The following LINGO2 variants were observed in gnomAD, a reference collection of about 807,000 sequenced individuals.
LINGO2 encodes leucine rich repeat and Ig domain containing 2, also known as leucine-rich repeat and immunoglobulin-like domain-containing nogo receptor-interacting protein 2.
A neutral mutation model predicts 30.6 loss-of-function variants in LINGO2; 14 were observed. The ratio of observed to expected loss-of-function variants is 0.46; its 90% CI spans 0.30 to 0.72. The LOEUF (loss-of-function observed/expected upper bound fraction) is 0.72. Ranked by LOEUF, LINGO2 falls within the 30% of genes least tolerant of loss-of-function variation. The pLI is 0.07. For synonymous variants in LINGO2, 317 were observed against 288.5 expected (o/e 1.10, Z -1.00); for missense variants, 729 against 751.7 (o/e 0.97, Z 0.35).
the LINGO2 span, among the ~76,000 whole-genome samples, chr9:29,149,041 G>A: frequency 6.6e-6 from 1 of 152,090 alleles, no homozygotes; most frequent in African/African-American, 2.4e-5. Context: ...TTGTCACAGA[G>A]GAGGATCCTA....
chr9:28,231,278 A>T (rs917827220), intron 4 of LINGO2, among the ~76,000 whole-genome samples: 27 of 152,138 alleles, frequency 1.8e-4, no homozygotes, highest in Admixed American at 1.4e-3. Flanking sequence ...TATATGCCTA[A>T]ATCATTAGAA....
the LINGO2 span, among the ~76,000 whole-genome samples, chr9:28,775,722 A>G: frequency 3.9e-5 from 6 of 152,202 alleles, no homozygotes; most frequent in Non-Finnish European, 1.5e-5. Context: ...AAATGTGCAT[A>G]CTGATAATGA....
At chr9:28,721,148 A>T in the LINGO2 span, among the ~76,000 whole-genome samples, 2 of 152,178 alleles carry the variant, frequency 1.3e-5, no homozygotes, top group African/African-American at 2.4e-5. Flanking sequence ...TAGAATGGCG[A>T]TCATTAACTC....
intron 4 of LINGO2, among the ~76,000 whole-genome samples, chr9:28,252,447 A>G (rs1351128448): frequency 2.0e-5 from 3 of 152,016 alleles, no homozygotes; most frequent in South Asian, 4.1e-4. Context: ...GGATGGTCTC[A>G]ATCTCTTAAC....
chr9:28,632,712 A>C (rs1184497532), intron 1 of LINGO2, among the ~76,000 whole-genome samples: 13 of 137,984 alleles, frequency 9.4e-5, no homozygotes, highest in Non-Finnish European at 2.0e-4. Context: ...ATATATTTAT[A>C]TATAGATCTA....
At chr9:28,858,725 C>T in the LINGO2 span, among the ~76,000 whole-genome samples, 1 of 151,948 alleles carries the variant, frequency 6.6e-6, no homozygotes, top group East Asian at 1.9e-4. Flanking sequence ...AAAACTTTTC[C>T]AAAATGAGCA....
the LINGO2 span, among the ~76,000 whole-genome samples, chr9:28,899,462 C>T: frequency 6.6e-6 from 1 of 152,172 alleles, no homozygotes; most frequent in African/African-American, 2.4e-5. Flanking sequence ...TGGCCCCAGG[C>T]TCCAGACTGA....
chr9:27,996,809 A>G (rs970955437), intron 5 of LINGO2, among the ~76,000 whole-genome samples: 1 of 152,216 alleles, frequency 6.6e-6, no homozygotes, highest in Non-Finnish European at 1.5e-5. Flanking sequence ...GGATATCCCA[A>G]TTACCCTGAT....
chr9:28,635,930 C>T (rs918004609), intron 1 of LINGO2, among the ~76,000 whole-genome samples: 2 of 152,052 alleles, frequency 1.3e-5, no homozygotes, highest in East Asian at 1.9e-4. Context: ...CCCAGTAACT[C>T]GTCATTTAAC....
At chr9:28,557,417 C>T (rs1393370684) in intron 1 of LINGO2, among the ~76,000 whole-genome samples, 2 of 152,086 alleles carry the variant, frequency 1.3e-5, no homozygotes, top group Non-Finnish European at 2.9e-5. Context: ...CACTGGCCAT[C>T]AGAGAAATGC....
intron 1 of LINGO2, among the ~76,000 whole-genome samples, chr9:28,618,832 A>G (rs906735967): frequency 2.0e-5 from 3 of 152,092 alleles, no homozygotes; most frequent in Admixed American, 6.6e-5. Flanking sequence ...TATCTGGCAC[A>G]TAAAATGTGT....
chr9:29,176,729 T>G, the LINGO2 span, among the ~76,000 whole-genome samples: 4 of 152,222 alleles, frequency 2.6e-5, no homozygotes, highest in Non-Finnish European at 5.9e-5. Context: ...TACAGAAGTA[T>G]GAGACAACTA....
chr9:28,880,686 G>A, the LINGO2 span, among the ~76,000 whole-genome samples: 80 of 152,268 alleles, frequency 5.3e-4, no homozygotes, highest in East Asian at 0.013. Context: ...AAAGCCTCTT[G>A]CAGTTGAGAT....
chr9:28,025,074 G>A (rs1230355291), intron 4 of LINGO2, among the ~76,000 whole-genome samples: 1 of 152,084 alleles, frequency 6.6e-6, no homozygotes, highest in East Asian at 1.9e-4. Context: ...TCATGCTTTG[G>A]GCTGATGAGA....
At chr9:28,402,044 T>C (rs1822290736) in intron 2 of LINGO2, among the ~76,000 whole-genome samples, 1 of 152,168 alleles carries the variant, frequency 6.6e-6, no homozygotes. Context: ...ATAAGATTTA[T>C]AAGGAAAGAC....
At chr9:28,380,620 A>G (rs1254496090) in intron 2 of LINGO2, among the ~76,000 whole-genome samples, 1 of 152,002 alleles carries the variant, frequency 6.6e-6, no homozygotes, top group Non-Finnish European at 1.5e-5. Flanking sequence ...GAGAAACACC[A>G]TATCGTGGAG....
At chr9:28,631,885 CA>C (rs1213005596) in intron 1 of LINGO2, among the ~76,000 whole-genome samples, 1 of 152,096 alleles carries the variant, frequency 6.6e-6, no homozygotes, top group African/African-American at 2.4e-5. Flanking sequence ...TTAATCCATC[CA>C]ACAAATATGT....
the LINGO2 span, among the ~76,000 whole-genome samples, chr9:29,039,579 C>A: frequency 6.6e-6 from 1 of 152,164 alleles, no homozygotes; most frequent in Admixed American, 6.6e-5. Context: ...CCAGTTCTGT[C>A]TACTTTGCAT....
the LINGO2 span, among the ~76,000 whole-genome samples, chr9:29,075,861 T>C: frequency 6.6e-6 from 1 of 152,152 alleles, no homozygotes; most frequent in Non-Finnish European, 1.5e-5. Context: ...CTCTCCTCCA[T>C]GCTACATGAA....
Sources: gnomAD v4.1 joint callset for allele counts (sites outside exome capture counted in the v4.1 genomes callset) on GRCh38, gnomAD v4.1.1 for gene constraint, MANE v1.5 for transcripts, NCBI Gene and HGNC (gene_info 2026-07-23, HGNC 2026-07-21) for gene names.